CNTNAP5: variants seen among roughly 807,000 people sequenced by gnomAD.
CNTNAP5 encodes the protein contactin-associated protein-like 5.
Under a neutral mutation model 150.2 loss-of-function variants are expected in CNTNAP5, and 72 were observed. The observed-to-expected ratio is 0.48, with a 90% CI of 0.40 to 0.58. The LOEUF is 0.58. CNTNAP5 is among the 20% of genes least tolerant of loss of function. CNTNAP5 has a pLI of 0.00. For synonymous variants in CNTNAP5, 672 were observed against 619.8 expected, an observed-to-expected ratio of 1.08 and a Z score of -1.25; for missense variants, 1,636 against 1,626.2, an observed-to-expected ratio of 1.01 and a Z score of -0.10.
intron 2 of CNTNAP5, among the ~76,000 whole-genome samples, chr2:124,237,932 C>T (rs1573858415): frequency 6.6e-6 from 1 of 152,108 alleles, no homozygotes; most frequent in African/African-American, 2.4e-5. Flanking sequence ...ATGTTGGTTC[C>T]TATTGAAACC....
chr2:124,364,344 G>C (rs985329870), intron 3 of CNTNAP5, among the ~76,000 whole-genome samples: 5 of 151,964 alleles, frequency 3.3e-5, no homozygotes, highest in Admixed American at 3.3e-4. Context: ...CTGCAAATGC[G>C]TTTGCAATGA....
chr2:124,506,206 A>AGAG, intron 8 of CNTNAP5, among the ~76,000 whole-genome samples: 1 of 152,178 alleles, frequency 6.6e-6, no homozygotes, highest in African/African-American at 2.4e-5. Context: ...AAAAAAAAAA[A>AGAG]AAGAGGCAGT....
chr2:124,835,691 G>A (rs1682815111), intron 19 of CNTNAP5, among the ~76,000 whole-genome samples: 1 of 152,142 alleles, frequency 6.6e-6, no homozygotes, highest in Admixed American at 6.6e-5. Context: ...TATATGGTGT[G>A]CAAGCCTGGA....
At chr2:124,206,992 G>A (rs191369626) in intron 1 of CNTNAP5, among the ~76,000 whole-genome samples, 1 of 152,128 alleles carries the variant, frequency 6.6e-6, no homozygotes, top group Non-Finnish European at 1.5e-5. Context: ...CATATATTCT[G>A]TTCAACTCTG....
intron 21 of CNTNAP5, among the ~76,000 whole-genome samples, chr2:124,902,335 G>C (rs1384776213): frequency 6.6e-6 from 1 of 152,076 alleles, no homozygotes; most frequent in Non-Finnish European, 1.5e-5. Context: ...CAAGCAGGTG[G>C]AAATCTTGAA....
intron 3 of CNTNAP5, among the ~76,000 whole-genome samples, chr2:124,407,277 T>C (rs879136731): frequency 1.3e-5 from 2 of 152,242 alleles, no homozygotes; most frequent in Admixed American, 1.3e-4. Flanking sequence ...TCTTCTACTT[T>C]TGTATTAGCA....
intron 14 of CNTNAP5, among the ~76,000 whole-genome samples, chr2:124,753,952 G>A (rs1680783372): frequency 6.6e-6 from 1 of 152,126 alleles, no homozygotes; most frequent in Non-Finnish European, 1.5e-5. Flanking sequence ...TTTGGTGAAT[G>A]CATGTCTAAT....
At chr2:124,398,887 C>T (rs1398153348) in intron 3 of CNTNAP5, among the ~76,000 whole-genome samples, 3 of 152,084 alleles carry the variant, frequency 2.0e-5, no homozygotes, top group Non-Finnish European at 2.9e-5. Context: ...CCAGGAAGGA[C>T]ACGATGAAGA....
In CNTNAP5 at chr2:124,845,571, T is replaced by C. The variant is rs1253450818; in HGVS notation, c.3218-19735T>C. On this transcript the variant is annotated intron_variant, in intron 19 of 23. Coordinates refer to ENST00000682447, the MANE Select transcript of CNTNAP5 (RefSeq NM_001367498.1). ...TGTCTATAGGATTGGTACCAATTCTTCTTTGAATTAATGATAGAATTAAAC... is the reference window on the plus strand; with the variant it reads ...TGTCTATAGGATTGGTACCAATTCTCCTTTGAATTAATGATAGAATTAAAC... Among the ~76,000 whole-genome samples, 4 of 152,084 alleles carry C rather than the reference T, an allele frequency of 2.6e-5. No homozygotes were observed. The East Asian group carries it at 7.7e-4, about 29-fold the overall frequency.
chr2:124,590,151 G>A (rs1696647774), intron 11 of CNTNAP5, among the ~76,000 whole-genome samples: 1 of 152,062 alleles, frequency 6.6e-6, no homozygotes, highest in African/African-American at 2.4e-5. Context: ...CCTGGACCTT[G>A]GACTTGCAAG....
intron 21 of CNTNAP5, 30 bp from the exon 22 acceptor site, chr2:124,902,852 A>C: frequency 6.5e-7 from 1 of 1,529,310 alleles, no homozygotes; most frequent in East Asian, 2.3e-5. Flanking sequence ...AAAAAAAGTA[A>C]AGGACTTCTG....
chr2:124,431,040 A>G (rs572600582), intron 4 of CNTNAP5, among the ~76,000 whole-genome samples: 17 of 152,304 alleles, frequency 1.1e-4, no homozygotes, highest in African/African-American at 3.8e-4. Context: ...AGAAATCAAG[A>G]AAGTTGCTTC....
intron 3 of CNTNAP5, among the ~76,000 whole-genome samples, chr2:124,319,961 T>G (rs1033812824): frequency 9.9e-5 from 15 of 152,254 alleles, no homozygotes; most frequent in African/African-American, 3.6e-4. Context: ...ATTAAGATTG[T>G]ATCCCTTCTC....
At chr2:124,694,333 G>A (rs1373968656) in intron 13 of CNTNAP5, among the ~76,000 whole-genome samples, 2 of 152,150 alleles carry the variant, frequency 1.3e-5, no homozygotes, top group Non-Finnish European at 2.9e-5. Context: ...TGGCAAAGCT[G>A]ACATTTGAAC....
intron 3 of CNTNAP5, among the ~76,000 whole-genome samples, chr2:124,297,652 G>T (rs1688468400): frequency 6.6e-6 from 1 of 151,432 alleles, no homozygotes; most frequent in Admixed American, 6.6e-5. Context: ...CTTCCCTTAA[G>T]ACTTAAGTCC....
intron 6 of CNTNAP5, among the ~76,000 whole-genome samples, chr2:124,465,392 A>G (rs200304570): frequency 1.4e-5 from 2 of 145,712 alleles, no homozygotes; most frequent in East Asian, 2.1e-4. Context: ...ACACCATTCA[A>G]TGACCACTAA....
At chr2:124,571,696 T>A (rs936653871) in intron 11 of CNTNAP5, among the ~76,000 whole-genome samples, 3 of 151,274 alleles carry the variant, frequency 2.0e-5, no homozygotes, top group Non-Finnish European at 2.9e-5. Context: ...CCACACAAGC[T>A]AATTTTTGTA....
chr2:124,341,595 C>G (rs184327525), intron 3 of CNTNAP5, among the ~76,000 whole-genome samples: 79 of 152,098 alleles, frequency 5.2e-4, no homozygotes, highest in African/African-American at 1.9e-3. Context: ...TTACAGAGCT[C>G]CCATCACAGT....
At chr2:124,690,722 G>T (rs913966374) in intron 13 of CNTNAP5, among the ~76,000 whole-genome samples, 4 of 151,856 alleles carry the variant, frequency 2.6e-5, no homozygotes, top group African/African-American at 9.7e-5. Context: ...CCCCATGTCT[G>T]GTACATCACT....
Sources: gnomAD v4.1 joint callset for allele counts (sites outside exome capture counted in the v4.1 genomes callset) on GRCh38, gnomAD v4.1.1 for gene constraint, MANE v1.5 for transcripts, NCBI Gene and HGNC (gene_info 2026-07-23, HGNC 2026-07-21) for gene names.